The following IGFL2 variants were observed in gnomAD, a reference collection of about 807,000 sequenced individuals.
IGFL2 encodes the protein insulin growth factor-like family member 2.
Under a neutral mutation model 13.9 loss-of-function variants are expected in IGFL2, and 7 were observed. That is an observed-to-expected ratio of 0.51 (90% CI 0.29 to 0.95). The LOEUF is 0.95. IGFL2 is among the 40% of genes least tolerant of loss of function. The probability of loss-of-function intolerance (pLI) is 0.08; values close to 1 mark genes in which losing one functional copy is unlikely to be tolerated. For missense variants in IGFL2, 138 were observed against 147.8 expected (o/e 0.93, Z 0.34); for synonymous variants, 55 against 55.8 (o/e 0.99, Z 0.07).
chr19:46,130,322 G>A, the IGFL2 span, among the ~76,000 whole-genome samples: 1 of 152,108 alleles, frequency 6.6e-6, no homozygotes, highest in Admixed American at 6.5e-5. Context: ...ATACTACAGG[G>A]TATGATCTCC....
At chr19:46,205,461 G>A in the IGFL2 span, among the ~76,000 whole-genome samples, 1 of 152,126 alleles carries the variant, frequency 6.6e-6, no homozygotes, top group South Asian at 2.1e-4. Flanking sequence ...AGGGTGGGGT[G>A]GTCAGCTTCT....
the IGFL2 span, among the ~76,000 whole-genome samples, chr19:46,099,646 G>A: frequency 6.6e-6 from 1 of 151,348 alleles, no homozygotes; most frequent in Non-Finnish European, 1.5e-5. Flanking sequence ...TCCTGCCTTA[G>A]CCTCCCAAGT....
At chr19:46,192,839 T>G in the IGFL2 span, among the ~76,000 whole-genome samples, 1 of 152,212 alleles carries the variant, frequency 6.6e-6, no homozygotes, top group Non-Finnish European at 1.5e-5. Flanking sequence ...ATCTCCACTT[T>G]CACTTTGGCG....
chr19:46,129,365 C>T, the IGFL2 span, among the ~76,000 whole-genome samples: 2 of 143,684 alleles, frequency 1.4e-5, no homozygotes, highest in Non-Finnish European at 3.0e-5. Context: ...CTGTCTCCTT[C>T]AGTTCAGTTT....
At chr19:46,092,209 G>T in the IGFL2 span, among the ~76,000 whole-genome samples, 29 of 152,102 alleles carry the variant, frequency 1.9e-4, no homozygotes, top group African/African-American at 7.0e-4. Context: ...ACCTAGGCTG[G>T]CCTGCAGTGG....
chr19:46,167,569 C>T, the IGFL2 span, among the ~76,000 whole-genome samples: 31 of 152,132 alleles, frequency 2.0e-4, no homozygotes, highest in Non-Finnish European at 3.7e-4. Context: ...CATCCCCTTC[C>T]GATATGGACG....
At chr19:46,212,713 T>TTCTCTCTCTC in the IGFL2 span, 288 of 148,718 alleles carry the variant, frequency 1.9e-3, 3 homozygotes, top group African/African-American at 6.0e-3. Context: ...TTCTCCTACC[T>TTCTCTCTCTC]TCTCTCTCTC....
the IGFL2 span, among the ~76,000 whole-genome samples, chr19:46,205,335 C>G: frequency 1.5e-4 from 23 of 152,284 alleles, 1 homozygote; most frequent in South Asian, 4.8e-3. Flanking sequence ...CTACCTGGGA[C>G]TAGGCATTTT....
chr19:46,202,630 A>T, the IGFL2 span: 1 of 152,208 alleles, frequency 6.6e-6, no homozygotes, highest in Non-Finnish European at 1.5e-5. Flanking sequence ...GAATAATCAG[A>T]CATGCATCCC....
At chr19:46,175,185 A>G in the IGFL2 span, among the ~76,000 whole-genome samples, 1 of 152,186 alleles carries the variant, frequency 6.6e-6, no homozygotes, top group Admixed American at 6.5e-5. Context: ...AATATATCCA[A>G]AATATTACCC....
chr19:46,188,477 A>T, the IGFL2 span, among the ~76,000 whole-genome samples: 3 of 152,252 alleles, frequency 2.0e-5, no homozygotes, highest in East Asian at 5.8e-4. Flanking sequence ...ACTCCCATGC[A>T]GGATAATTTT....
the IGFL2 span, chr19:46,213,649 G>C: frequency 6.5e-6 from 1 of 153,898 alleles, no homozygotes; most frequent in South Asian, 2.1e-4. Context: ...ACAGCGCCCG[G>C]GTCAGCCCCA....
At chr19:46,103,863 C>A in the IGFL2 span, among the ~76,000 whole-genome samples, 3 of 152,040 alleles carry the variant, frequency 2.0e-5, no homozygotes, top group Non-Finnish European at 4.4e-5. Context: ...TGAGTACTTG[C>A]GACTTCCAGG....
upstream of IGFL2, among the ~76,000 whole-genome samples, chr19:46,145,903 G>A (rs73048047): frequency 0.033 from 5,049 of 152,188 alleles, 124 homozygotes; most frequent in East Asian, 0.071. Flanking sequence ...TGTTAGAGAT[G>A]TGATTCACAG....
At chr19:46,109,369 C>T in the IGFL2 span, among the ~76,000 whole-genome samples, 1 of 151,306 alleles carries the variant, frequency 6.6e-6, no homozygotes, top group East Asian at 1.9e-4. Flanking sequence ...GGCTGGAGTG[C>T]AGTGGCGCAA....
chr19:46,163,052 G>A (rs1363233094), downstream of IGFL2, among the ~76,000 whole-genome samples: 1 of 152,194 alleles, frequency 6.6e-6, no homozygotes, highest in Admixed American at 6.5e-5. Context: ...TGGTTTCAGA[G>A]GCCGGATATG....
the IGFL2 span, among the ~76,000 whole-genome samples, chr19:46,101,768 T>C: frequency 6.6e-6 from 1 of 152,236 alleles, no homozygotes; most frequent in Non-Finnish European, 1.5e-5. Context: ...CCAACCGCTG[T>C]TGAGACTGTG....
the IGFL2 span, among the ~76,000 whole-genome samples, chr19:46,079,119 C>G: frequency 6.6e-6 from 1 of 151,998 alleles, no homozygotes; most frequent in East Asian, 1.9e-4. Flanking sequence ...GTAGACATCG[C>G]GCAGGCGTCG....
At chr19:46,092,598 C>A in the IGFL2 span, among the ~76,000 whole-genome samples, 2,017 of 152,064 alleles carry the variant, frequency 0.013, 31 homozygotes, top group Middle Eastern at 0.027. Context: ...CACCACTGTA[C>A]TCTAGTACTC....
Sources: allele counts gnomAD v4.1 joint callset (sites outside exome capture counted in the v4.1 genomes callset), GRCh38; gene constraint gnomAD v4.1.1; transcripts MANE v1.5; gene names NCBI Gene and HGNC (gene_info 2026-07-23, HGNC 2026-07-21).